Variants in WDPCP observed in about 807,000 individuals in gnomAD.
The protein encoded by WDPCP is WD repeat containing planar cell polarity effector.
A neutral mutation model predicts 93.1 loss-of-function variants in WDPCP; 71 were observed. The observed-to-expected ratio is 0.76, with a 90% CI of 0.63 to 0.93. WDPCP has a LOEUF of 0.93. Ranked by LOEUF, WDPCP falls within the 40% of genes least tolerant of loss-of-function variation. The pLI, the probability that WDPCP is intolerant of heterozygous loss-of-function variation, is 0.00. For synonymous variants in WDPCP, 315 were observed against 315.0 expected (o/e 1.00, Z 0.00); for missense variants, 844 against 887.4 (o/e 0.95, Z 0.62).
intron 2 of WDPCP, among the ~76,000 whole-genome samples, chr2:63,706,863 G>A (rs536885799): frequency 4.1e-4 from 63 of 151,944 alleles, no homozygotes; most frequent in South Asian, 2.1e-3. Flanking sequence ...TGATCCACCC[G>A]CCTCGGCCTC....
chr2:63,776,319 T>C (rs954062627), intron 2 of WDPCP, among the ~76,000 whole-genome samples: 1 of 151,358 alleles, frequency 6.6e-6, no homozygotes, highest in Non-Finnish European at 1.5e-5. Context: ...CACAACCCAG[T>C]ATAAAACACG....
intron 12 of WDPCP, among the ~76,000 whole-genome samples, chr2:63,332,443 G>A (rs759926847): frequency 6.6e-5 from 10 of 152,008 alleles, no homozygotes; most frequent in Non-Finnish European, 1.3e-4. Context: ...TCCTACTGTA[G>A]TGGCTTCTTA....
At chr2:63,721,974 A>G (rs1256082113) in intron 2 of WDPCP, among the ~76,000 whole-genome samples, 4 of 150,012 alleles carry the variant, frequency 2.7e-5, no homozygotes, top group East Asian at 3.9e-4. Flanking sequence ...CAAGTGATCC[A>G]CCAGCCTCGG....
At chr2:63,719,197 G>C (rs560017285) in intron 2 of WDPCP, among the ~76,000 whole-genome samples, 4 of 152,308 alleles carry the variant, frequency 2.6e-5, no homozygotes, top group Non-Finnish European at 4.4e-5. Flanking sequence ...AGGCATGACA[G>C]TACAAGAGGT....
chr2:63,300,076 A>G (rs1023706102), intron 13 of WDPCP, among the ~76,000 whole-genome samples: 1 of 152,034 alleles, frequency 6.6e-6, no homozygotes, highest in African/African-American at 2.4e-5. Flanking sequence ...CCAATCTATG[A>G]GCCCTATATA....
chr2:63,143,910 A>G (rs1030249552), intron 17 of WDPCP, among the ~76,000 whole-genome samples: 3 of 152,174 alleles, frequency 2.0e-5, no homozygotes, highest in African/African-American at 7.2e-5. Context: ...CCTGATGACT[A>G]TGTGCCTAGG....
chr2:63,337,299 G>A (rs932708725), intron 12 of WDPCP, among the ~76,000 whole-genome samples: 22 of 138,750 alleles, frequency 1.6e-4, no homozygotes, highest in Non-Finnish European at 3.0e-5. Context: ...TTCCATCCAC[G>A]TCGTAGCAAG....
At chr2:63,259,214 C>T in intron 14 of WDPCP, 93 bp downstream of exon 14, 2 of 1,094,892 alleles carry the variant, frequency 1.8e-6, no homozygotes, top group South Asian at 2.6e-5. Flanking sequence ...CAAAGTAATT[C>T]AAATTAACCA....
intron 2 of WDPCP, among the ~76,000 whole-genome samples, chr2:63,716,952 G>C (rs560118368): frequency 2.0e-5 from 3 of 152,260 alleles, no homozygotes; most frequent in Admixed American, 2.0e-4. Context: ...ACTGAACTAG[G>C]CTGCCCACAT....
chr2:63,462,494 T>C (rs930118774), intron 6 of WDPCP, among the ~76,000 whole-genome samples: 5 of 152,076 alleles, frequency 3.3e-5, no homozygotes, highest in African/African-American at 9.7e-5. Context: ...GAACTTAATG[T>C]ATAATAAAAA....
chr2:63,550,216 CA>C (rs1558793179), intron 1 of WDPCP, among the ~76,000 whole-genome samples: 12 of 151,582 alleles, frequency 7.9e-5, no homozygotes, highest in South Asian at 2.1e-4. Context: ...CACACACACA[CA>C]CACACACACA....
chr2:63,250,166 G>A (rs190114980), intron 14 of WDPCP, among the ~76,000 whole-genome samples: 39 of 152,200 alleles, frequency 2.6e-4, no homozygotes, highest in African/African-American at 7.7e-4. Flanking sequence ...GTAAAATACA[G>A]GTTGCGTGAA....
intron 13 of WDPCP, among the ~76,000 whole-genome samples, chr2:63,285,557 A>G (rs537935836): frequency 5.5e-4 from 83 of 152,216 alleles, no homozygotes; most frequent in African/African-American, 2.0e-3. Context: ...AGGTAGAAAT[A>G]ATAGAATAAA....
intron 3 of WDPCP, chr2:63,643,488 A>G (rs1710009155): frequency 2.7e-6 from 1 of 365,560 alleles, no homozygotes; most frequent in Admixed American, 3.6e-5. Flanking sequence ...CCAGGTTAGC[A>G]CCCCTCAGTC....
intron 14 of WDPCP, among the ~76,000 whole-genome samples, chr2:63,178,044 C>T (rs968683956): frequency 1.3e-5 from 2 of 152,114 alleles, no homozygotes; most frequent in Non-Finnish European, 2.9e-5. Flanking sequence ...TTATGTTGAA[C>T]CATCCTTACT....
intron 2 of WDPCP, chr2:63,717,636 C>A (rs1186364077): frequency 9.5e-6 from 5 of 524,794 alleles, no homozygotes; most frequent in Admixed American, 3.9e-5. Flanking sequence ...CCATGTTAAG[C>A]TGACTGCTCA....
At chr2:63,587,363 T>C (rs528532328) in intron 1 of WDPCP, among the ~76,000 whole-genome samples, 1 of 152,300 alleles carries the variant, frequency 6.6e-6, no homozygotes, top group African/African-American at 2.4e-5. Flanking sequence ...ACCAGGAAAG[T>C]ATGTTGTCTG....
chr2:63,437,353 C>A, intron 8 of WDPCP, 68 bp downstream of exon 8: 1 of 1,248,030 alleles, frequency 8.0e-7, no homozygotes, highest in South Asian at 1.6e-5. Context: ...GAGCAGAATA[C>A]CAACTTATGT....
chr2:63,584,372 T>TTTTATAAA lies in WDPCP; in HGVS notation c.75+3817_75+3824dup, dbSNP rs1708701400. On this transcript the variant is annotated intron_variant, in intron 1 of 17. Coordinates refer to ENST00000272321, the MANE Select transcript of WDPCP (RefSeq NM_015910.7). ...ACAGTATTTGTTGCAAATTTTTAAT[T>TTTTATAAA]TTTATAAAAATTAAATCATAATGTA... 4.6e-5 allele frequency among the ~76,000 whole-genome samples: 7 copies of TTTTATAAA among 152,268 alleles called. No homozygotes were observed. The South Asian group carries it at 1.5e-3, about 32-fold the overall frequency.
Sources: gnomAD v4.1 joint callset for allele counts (sites outside exome capture counted in the v4.1 genomes callset) on GRCh38, gnomAD v4.1.1 for gene constraint, MANE v1.5 for transcripts, NCBI Gene and HGNC (gene_info 2026-07-23, HGNC 2026-07-21) for gene names.